Variants in SEMA4A observed in about 807,000 individuals in gnomAD.
SEMA4A encodes semaphorin-4A.
In SEMA4A, 52 loss-of-function variants were observed where a neutral mutation model predicts 72.5. The ratio of observed to expected loss-of-function variants is 0.72; its 90% confidence interval spans 0.57 to 0.90. The LOEUF (loss-of-function observed/expected upper bound fraction) is 0.90, where lower values mean the gene tolerates loss of function less well. SEMA4A is among the 40% of genes least tolerant of loss of function. The pLI is 0.00. For synonymous variants in SEMA4A, 369 were observed against 393.1 expected, an observed-to-expected ratio of 0.94 and a Z score of 0.73; for missense variants, 926 against 959.7, an observed-to-expected ratio of 0.96 and a Z score of 0.46.
intron 10 of SEMA4A, among the ~76,000 whole-genome samples, chr1:156,172,373 C>T (rs972676134): frequency 8.5e-5 from 13 of 152,124 alleles, no homozygotes; most frequent in Non-Finnish European, 1.2e-4. Context: ...ACCTAGGCCT[C>T]CCAAAGTGCT....
chr1:156,155,145 T>C lies in SEMA4A; in HGVS notation c.139+428T>C, dbSNP rs1652894824. 2.1e-5 allele frequency: 5 copies of C among 233,696 alleles called. No homozygotes were observed. The South Asian group carries it at 2.7e-4, about 13-fold the overall frequency. The allele number at this position is 233,696 out of a possible 1,614,324, so 14.5% of individuals were successfully genotyped here. A position where few individuals can be genotyped will look rare whatever the true frequency, so the allele number is the denominator to read the frequency against. ...GCTCGCCAGGCCCATGCCAACCACA[T>C]AGATCATGCTGGACCATACCATGTC... On this transcript the variant is annotated intron_variant, in intron 2 of 14. Coordinates refer to ENST00000368285, the MANE Select transcript of SEMA4A (RefSeq NM_022367.4).
chr1:156,155,555 G>C (rs1227034191), intron 2 of SEMA4A: 1 of 153,020 alleles, frequency 6.5e-6, no homozygotes, highest in Admixed American at 6.5e-5. Flanking sequence ...TGGCAGCTCT[G>C]GGGGAGGCCT....
chr1:156,172,095 T>A (rs1425950054), intron 10 of SEMA4A, among the ~76,000 whole-genome samples: 1 of 77,178 alleles, frequency 1.3e-5, no homozygotes, highest in East Asian at 4.4e-4. Context: ...TTTGTTTGTT[T>A]GTTTATTTAT....
chr1:156,148,404 C>T (rs1191145113), upstream of SEMA4A, among the ~76,000 whole-genome samples: 2 of 152,182 alleles, frequency 1.3e-5, no homozygotes, highest in African/African-American at 2.4e-5. Context: ...GGGGACATGG[C>T]GGCCCCGTTC....
In SEMA4A at chr1:156,156,470, ACT is replaced by A; in HGVS notation, c.199_200del (p.Leu67AlafsTer5). 6.2e-7 allele frequency: 1 copy of A among 1,613,784 alleles called. No homozygotes were observed. Among genetic ancestry groups the A allele is most frequent in the Non-Finnish European group, 8.5e-7 (1 of 1,179,948 alleles). On this transcript the variant is annotated frameshift_variant, in exon 3 of 15. Transcript: ENST00000368285. LOFTEE classifies it high-confidence loss of function. ...FHQKGLQDFD[T>X]LLLSGDGNTL... ...CCAGAAGGGCCTCCAGGATTTTGAC[ACT>A]CTGCTCCTGAGTGGTGATGGAAATA...
At chr1:156,150,701 G>GGGCTGGTTGA (rs1652467864), upstream of SEMA4A, among the ~76,000 whole-genome samples, 1 of 152,130 alleles carries the variant, frequency 6.6e-6, no homozygotes, top group Non-Finnish European at 1.5e-5. Context: ...AGGTAGCATA[G>GGGCTGGTTGA]AGTCGGGGCG....
At chr1:156,163,300 C>T in intron 10 of SEMA4A, 2 of 607,270 alleles carry the variant, frequency 3.3e-6, no homozygotes, top group Non-Finnish European at 5.9e-6. Context: ...CTGGAGCCAT[C>T]TCCCTTCACC....
chr1:156,148,164 A>G (rs79749077), upstream of SEMA4A, among the ~76,000 whole-genome samples: 3,333 of 152,242 alleles, frequency 0.022, 130 homozygotes, highest in African/African-American at 0.077. Flanking sequence ...AAAAGGGAAG[A>G]AAATAGGGGC....
intron 10 of SEMA4A, among the ~76,000 whole-genome samples, chr1:156,168,482 C>A (rs1654394966): frequency 6.6e-6 from 1 of 152,154 alleles, no homozygotes; most frequent in South Asian, 2.1e-4. Context: ...TCTCGGCCTC[C>A]CAAAGTGCTG....
At chr1:156,174,037 G>A (rs899134391) in intron 11 of SEMA4A, among the ~76,000 whole-genome samples, 18 of 152,158 alleles carry the variant, frequency 1.2e-4, no homozygotes, top group African/African-American at 4.3e-4. Context: ...CTTGAACCTG[G>A]GAGGCAGAGG....
At chr1:156,172,181 A>G (rs975977770) in intron 10 of SEMA4A, among the ~76,000 whole-genome samples, 1 of 151,656 alleles carries the variant, frequency 6.6e-6, no homozygotes, top group Non-Finnish European at 1.5e-5. Flanking sequence ...GCAGTGGCAC[A>G]ATCTCGGCTC....
In SEMA4A at chr1:156,175,554, A is replaced by G. The variant is rs2103011005; in HGVS notation, c.1593-2A>G. On this transcript the variant is annotated splice_acceptor_variant, in intron 13 of 14. Coordinates refer to ENST00000368285, the MANE Select transcript of SEMA4A (RefSeq NM_022367.4). LOFTEE classifies it high-confidence loss of function. The stretch of plus-strand genomic sequence containing the variant: ...TAATTTTTACTTTCTCTGCTCTCTT[A>G]GGAACTCCTGGAAGCAGGACATGGA... The G allele has an allele frequency of 6.2e-7, 1 of 1,610,628 alleles. No homozygotes were observed. Among genetic ancestry groups the G allele is most frequent in the East Asian group, 2.2e-5 (1 of 44,854 alleles).
At chr1:156,154,327 C>T in intron 1 of SEMA4A, 1 of 575,038 alleles carries the variant, frequency 1.7e-6, no homozygotes. Flanking sequence ...GAGACCTGGG[C>T]TCCTACCCAT....
intron 11 of SEMA4A, among the ~76,000 whole-genome samples, chr1:156,174,470 A>G (rs1254637463): frequency 1.3e-5 from 2 of 152,206 alleles, no homozygotes; most frequent in Non-Finnish European, 2.9e-5. Flanking sequence ...AAGGGTGGCC[A>G]GGTAGACCTC....
At position 156,171,270 on chromosome 1, in the gene SEMA4A, G is replaced by A. The variant is rs1156412999; in HGVS notation, c.1135-1556G>A. Among the ~76,000 whole-genome samples, 3 of 152,192 alleles carry A rather than the reference G, an allele frequency of 2.0e-5. No homozygotes were observed. In the South Asian group the frequency reaches 6.2e-4, roughly 31 times the overall value. ...AGTGCTCTTGGAGAACAAGGATCCT[G>A]ACTGAAGATCAAGACACGGGTGTCC... On this transcript the variant is annotated intron_variant, in intron 10 of 14. Coordinates refer to ENST00000368285, the MANE Select transcript of SEMA4A (RefSeq NM_022367.4).
chr1:156,177,417 A>C lies in SEMA4A; in HGVS notation c.*420A>C, dbSNP rs1314466869. ...ATATGCTAACATGCCACTCCTGGAA[A>C]CTCCACTCTGAAGCTGCCGCTTTGG... On this transcript the variant is annotated 3_prime_UTR_variant, in exon 15 of 15. Transcript: ENST00000368285. 4 of 270,090 alleles carry C rather than the reference A, an allele frequency of 1.5e-5. No individual in the cohort carries two copies. Among genetic ancestry groups the C allele is most frequent in the South Asian group, 4.1e-5 (1 of 24,598 alleles). The allele number at this position is 270,090 out of a possible 1,614,324, so 16.7% of individuals were successfully genotyped here.
intron 10 of SEMA4A, among the ~76,000 whole-genome samples, chr1:156,167,322 T>C (rs1034582389): frequency 1.3e-5 from 2 of 151,446 alleles, no homozygotes; most frequent in Non-Finnish European, 2.9e-5. Flanking sequence ...GACCCCCATC[T>C]CTACAAAATA....
intron 10 of SEMA4A, among the ~76,000 whole-genome samples, chr1:156,163,462 C>T (rs1007577110): frequency 7.2e-5 from 11 of 152,218 alleles, no homozygotes; most frequent in African/African-American, 2.6e-4. Flanking sequence ...TGGCTCACAC[C>T]TGTAATCCCA....
Position 156,163,078 on chromosome 1 carries a change from A to ACC in SEMA4A, c.1122_1123dup (p.Arg375ProfsTer16), listed in dbSNP as rs760609808. 9.9e-6 allele frequency: 16 copies of ACC among 1,613,832 alleles called. No homozygotes were observed. Among genetic ancestry groups the ACC allele is most frequent in the African/African-American group, 1.3e-5 (1 of 74,832 alleles). ...ACTACTTATAGGGGCCCTGAGACCAACCCCCGGCCAGGCAGTGTGAGTACT... is the reference window on the plus strand; with the variant it reads ...ACTACTTATAGGGGCCCTGAGACCAACCCCCCCGGCCAGGCAGTGTGAGTACT... On this transcript the variant is annotated frameshift_variant, in exon 10 of 15. Coordinates refer to ENST00000368285, the MANE Select transcript of SEMA4A (RefSeq NM_022367.4). LOFTEE classifies it high-confidence loss of function.
Sources: gnomAD v4.1 joint callset for allele counts (sites outside exome capture counted in the v4.1 genomes callset) on GRCh38, gnomAD v4.1.1 for gene constraint, MANE v1.5 for transcripts, NCBI Gene and HGNC (gene_info 2026-07-23, HGNC 2026-07-21) for gene names.